Variants in TTLL9 observed in about 807,000 individuals in gnomAD.
TTLL9 encodes the protein tubulin tyrosine ligase like 9.
In TTLL9, 47 loss-of-function variants were observed where a neutral mutation model predicts 65.6. The ratio of observed to expected loss-of-function variants is 0.72; its 90% CI spans 0.57 to 0.91. TTLL9 has a LOEUF of 0.91. Ranked by LOEUF, TTLL9 falls within the 40% of genes least tolerant of loss-of-function variation. The pLI is 0.00. For synonymous variants in TTLL9, 179 were observed against 204.8 expected (o/e 0.87, Z 1.07); for missense variants, 537 against 568.8 (o/e 0.94, Z 0.57).
intron 13 of TTLL9, 100 bp from the exon 14 acceptor site, chr20:31,939,042 G>T: frequency 7.4e-7 from 1 of 1,352,604 alleles, no homozygotes; most frequent in Non-Finnish European, 9.8e-7. Context: ...CTGAGGGACG[G>T]ACATCAGTTG....
intron 3 of TTLL9, among the ~76,000 whole-genome samples, chr20:31,887,846 A>C (rs1232146772): frequency 2.0e-4 from 10 of 49,658 alleles, no homozygotes; most frequent in Non-Finnish European, 2.8e-4. Context: ...TTCATTAGAT[A>C]TCTCCTCTCC....
intron 4 of TTLL9, among the ~76,000 whole-genome samples, chr20:31,902,310 C>T (rs745887315): frequency 1.3e-5 from 2 of 152,162 alleles, no homozygotes; most frequent in Admixed American, 6.5e-5. Flanking sequence ...TAACCTTTTT[C>T]CTGTCTTCTT....
intron 7 of TTLL9, among the ~76,000 whole-genome samples, chr20:31,922,545 A>T (rs547329891): frequency 1.3e-5 from 2 of 152,330 alleles, no homozygotes; most frequent in South Asian, 4.1e-4. Context: ...GAATCAGACA[A>T]TATTTGTCCT....
intron 3 of TTLL9, among the ~76,000 whole-genome samples, chr20:31,894,699 T>TTA (rs945937865): frequency 1.2e-4 from 18 of 149,556 alleles, no homozygotes; most frequent in South Asian, 1.1e-3. Flanking sequence ...TACACACACT[T>TTA]TATATATATA....
At chr20:31,915,203 CG>C (rs1337127106) in intron 6 of TTLL9, among the ~76,000 whole-genome samples, 3 of 152,188 alleles carry the variant, frequency 2.0e-5, no homozygotes, top group Admixed American at 6.5e-5. Flanking sequence ...GAAAATCGGC[CG>C]GGCGCGGTGG....
intron 3 of TTLL9, among the ~76,000 whole-genome samples, chr20:31,896,510 T>G (rs2063391136): frequency 6.6e-6 from 1 of 152,164 alleles, no homozygotes; most frequent in African/African-American, 2.4e-5. Context: ...TTAATATGAC[T>G]GATTACATTG....
At chr20:31,890,026 CT>C (rs2063270990) in intron 3 of TTLL9, among the ~76,000 whole-genome samples, 1 of 143,264 alleles carries the variant, frequency 7.0e-6, no homozygotes, top group African/African-American at 2.7e-5. Flanking sequence ...TTCTTTCTTT[CT>C]TTCTTTCCTT....
intron 13 of TTLL9, chr20:31,938,018 TTC>T (rs1032788429): frequency 1.9e-4 from 71 of 379,834 alleles, no homozygotes; most frequent in Middle Eastern, 1.8e-3. Flanking sequence ...GGCTGGTCTA[TTC>T]TCTCTCTCTC....
intron 3 of TTLL9, among the ~76,000 whole-genome samples, chr20:31,888,496 A>G (rs966618103): frequency 4.6e-5 from 7 of 151,970 alleles, no homozygotes; most frequent in Non-Finnish European, 7.4e-5. Flanking sequence ...TTTGAGACAG[A>G]GTTTCGCTCT....
At chr20:31,924,868 C>A in intron 8 of TTLL9, 141 bp from the exon 9 acceptor site, 1 of 910,996 alleles carries the variant, frequency 1.1e-6, no homozygotes, top group Non-Finnish European at 1.7e-6. Context: ...TGAGGCACCG[C>A]GCCTAGCCCC....
At chr20:31,877,008 C>A (rs1375479327) in intron 2 of TTLL9, among the ~76,000 whole-genome samples, 1 of 152,128 alleles carries the variant, frequency 6.6e-6, no homozygotes, top group Non-Finnish European at 1.5e-5. Flanking sequence ...GTTTCTTCTG[C>A]TGAAAATTCC....
rs916014215 is a variant in TTLL9 at position 31,933,817 on chromosome 20, G to A, written c.766G>A (p.Val256Met). The change falls in exon 11 of 15, where the codon GTG becomes ATG. Residue 256 changes from valine to methionine, a missense_variant. Transcript: ENST00000535842. ...TCTCCCAGATGTTCACCTCACCAAC[G>A]TGGCTGTGCAAAAAACATCTCCCGA... Reference protein sequence around the residue: ...HRRQDVHLTNVAVQKTSPDYH... With the variant: ...HRRQDVHLTNMAVQKTSPDYH... 7.4e-6 allele frequency: 12 copies of A among 1,613,930 alleles called. No homozygotes were observed. Among genetic ancestry groups the A allele is most frequent in the African/African-American group, 4.0e-5 (3 of 74,926 alleles).
At chr20:31,940,130 A>G (rs756380460) in intron 14 of TTLL9, 11 of 152,224 alleles carry the variant, frequency 7.2e-5, no homozygotes, top group African/African-American at 2.2e-4. Flanking sequence ...TAGAAGCAGA[A>G]TTATTGGGCC....
chr20:31,924,893 C>A, intron 8 of TTLL9, 116 bp from the exon 9 acceptor site: 1 of 1,140,028 alleles, frequency 8.8e-7, no homozygotes, highest in Non-Finnish European at 1.3e-6. Context: ...GTAGTTTCAG[C>A]AGGAGCTTCA....
Position 31,943,177 on chromosome 20 carries a change from T to C in TTLL9, c.*156T>C. 4.3e-6 allele frequency: 3 copies of C among 695,290 alleles called. No individual in the cohort carries two copies. Among genetic ancestry groups the C allele is most frequent in the Non-Finnish European group, 7.6e-6 (3 of 396,628 alleles). The allele number at this position is 695,290 out of a possible 1,614,324, so 43.1% of individuals were successfully genotyped here. ...AGCAGCTGCAGCTTACTACCTGAAT[T>C]GGGCCCCTTGGATACCTCCAGCCCA... On this transcript the variant is annotated 3_prime_UTR_variant, in exon 15 of 15. Transcript: ENST00000535842.
At chr20:31,940,497 T>C (rs1043218924) in intron 14 of TTLL9, 2 of 152,230 alleles carry the variant, frequency 1.3e-5, no homozygotes, top group African/African-American at 4.8e-5. Flanking sequence ...GGGTGGGGCC[T>C]AAGATTGTAT....
chr20:31,870,909 G>A lies in TTLL9; in HGVS notation c.-46G>A, dbSNP rs1353510482. 7.4e-5 allele frequency: 43 copies of A among 582,754 alleles called. No homozygotes were observed. The highest frequency in any genetic ancestry group is 2.7e-5 in the Non-Finnish European group (9 of 327,580). 36.1% of individuals were successfully genotyped at this position (582,754 alleles called of 1,614,324 possible). A position where few individuals can be genotyped will look rare whatever the true frequency, so the allele number is the denominator to read the frequency against. ...GTGACGGGGCTGGACTTTGATCGCC[G>A]AGGGCTCTCTGCTCTTCAGAGTCTG... is the stretch of plus-strand genomic sequence containing the variant. On this transcript the variant is annotated 5_prime_UTR_variant, in exon 1 of 15. Coordinates refer to ENST00000535842, the MANE Select transcript of TTLL9 (RefSeq NM_001008409.5). The surrounding 1 kb of genome is among the most constrained non-coding windows in gnomAD (Gnocchi z 6.6).
intron 3 of TTLL9, among the ~76,000 whole-genome samples, chr20:31,890,026 C>T (rs894799633): frequency 1.2e-4 from 17 of 143,264 alleles, no homozygotes; most frequent in African/African-American, 4.6e-4. Context: ...TTCTTTCTTT[C>T]TTTCTTTCCT....
At position 31,908,652 on chromosome 20, in the gene TTLL9, A is replaced by G. The variant is rs2063596266; in HGVS notation, c.268A>G (p.Thr90Ala). The G allele has an allele frequency of 3.7e-6, 6 of 1,613,908 alleles. No individual in the cohort carries two copies. Among genetic ancestry groups the G allele is most frequent in the Non-Finnish European group, 5.1e-6 (6 of 1,179,970 alleles). ...VSWLRENFDHTYMDEHVRISH... is the reference protein window; with the variant it reads ...VSWLRENFDHAYMDEHVRISH... ...CTGGCTCCGGGAGAACTTCGACCAC[A>G]CCTACATGGATGAACATGTGCGGAT... The change falls in exon 5 of 15, where the codon ACC (threonine) becomes GCC (alanine). Residue 90 changes from threonine (T) to alanine (A), a missense_variant. Physicochemically the swap from Thr to Ala is moderately conservative, Grantham distance 58. Transcript: ENST00000535842.
Sources: allele counts gnomAD v4.1 joint callset (sites outside exome capture counted in the v4.1 genomes callset), GRCh38; gene constraint gnomAD v4.1.1; non-coding constraint Gnocchi (gnomAD v3.1); transcripts MANE v1.5; gene names NCBI Gene and HGNC (gene_info 2026-07-23, HGNC 2026-07-21).